The following IGSF11 variants were observed in gnomAD, a reference collection of about 807,000 sequenced individuals.
The protein encoded by IGSF11 is CXADR like 1.
IGSF11 carries 22 observed loss-of-function variants against 41.0 expected under a neutral mutation model. That is an observed-to-expected ratio of 0.54 (90% CI 0.38 to 0.77). IGSF11 has a LOEUF of 0.77. Ranked by LOEUF, IGSF11 falls within the 30% of genes least tolerant of loss-of-function variation. IGSF11 has a pLI of 0.00. For synonymous variants in IGSF11, 219 were observed against 201.3 expected, an observed-to-expected ratio of 1.09 and a Z score of -0.74; for missense variants, 444 against 530.8, an observed-to-expected ratio of 0.84 and a Z score of 1.61.
Position 119,104,859 on chromosome 3 carries a change from G to A in IGSF11, c.49+285C>T, listed in dbSNP as rs73856961. Among the ~76,000 whole-genome samples the A allele has an allele frequency of 0.063, 9,602 of 152,066 alleles. 411 individuals are homozygous for A. Among genetic ancestry groups the A allele is most frequent in the Admixed American group, 0.16 (2,387 of 15,276 alleles). Reference sequence around the variant, plus strand: ...TAACACAGTGTGTTATAATTGCATTGCTTATTTTCTTATCAGAGTCACCCT... The same window carrying A: ...TAACACAGTGTGTTATAATTGCATTACTTATTTTCTTATCAGAGTCACCCT... On this transcript the variant is annotated intron_variant, in intron 1 of 6. Transcript: ENST00000354673.
At chr3:119,103,402 T>C (rs1206430779) in intron 1 of IGSF11, among the ~76,000 whole-genome samples, 1 of 152,078 alleles carries the variant, frequency 6.6e-6, no homozygotes, top group Non-Finnish European at 1.5e-5. Context: ...TTTATACTTA[T>C]ACAAATCCTG....
intron 1 of IGSF11, among the ~76,000 whole-genome samples, chr3:118,984,183 A>C (rs903255019): frequency 4.1e-4 from 62 of 152,194 alleles, no homozygotes; most frequent in Non-Finnish European, 6.3e-4. Context: ...AAAAAAAAAA[A>C]AACAGACATT....
intron 4 of IGSF11, among the ~76,000 whole-genome samples, 155 bp from the exon 5 acceptor site, chr3:118,905,873 G>A (rs1290628155): frequency 1.3e-5 from 2 of 152,178 alleles, no homozygotes; most frequent in African/African-American, 2.4e-5. Context: ...GTTCATGAAT[G>A]TTAAAGACTA....
chr3:119,126,304 AG>A (rs1484940444), intron 1 of IGSF11, among the ~76,000 whole-genome samples: 4 of 152,198 alleles, frequency 2.6e-5, no homozygotes, highest in African/African-American at 9.6e-5. Context: ...ATCCTTCCTC[AG>A]TGGGCGGGGC....
intron 1 of IGSF11, among the ~76,000 whole-genome samples, chr3:119,100,312 A>G (rs2076920810): frequency 6.6e-6 from 1 of 152,234 alleles, no homozygotes; most frequent in African/African-American, 2.4e-5. Context: ...ACACAGATAT[A>G]AGATGTTTCA....
At chr3:119,142,254 G>A (rs866883135) in intron 1 of IGSF11, among the ~76,000 whole-genome samples, 13 of 127,138 alleles carry the variant, frequency 1.0e-4, no homozygotes, top group African/African-American at 1.8e-4. Context: ...CAGCCTGGGC[G>A]ACAGAGCAAG....
chr3:119,075,300 C>A (rs2076474747), intron 1 of IGSF11, among the ~76,000 whole-genome samples: 1 of 152,016 alleles, frequency 6.6e-6, no homozygotes, highest in South Asian at 2.1e-4. Context: ...ACCTTGAAGA[C>A]ACCAATAATT....
chr3:119,092,076 A>G (rs1276531774), intron 1 of IGSF11, among the ~76,000 whole-genome samples: 1 of 151,238 alleles, frequency 6.6e-6, no homozygotes, highest in Non-Finnish European at 1.5e-5. Flanking sequence ...CAGTGGTGCA[A>G]TCTCGGCTCA....
At chr3:118,938,270 CA>C (rs1421021442) in intron 1 of IGSF11, among the ~76,000 whole-genome samples, 2 of 152,188 alleles carry the variant, frequency 1.3e-5, no homozygotes, top group Non-Finnish European at 2.9e-5. Flanking sequence ...TATTCTACTC[CA>C]TTTAGGAATC....
At chr3:118,912,059 G>A (rs746534620) in intron 4 of IGSF11, among the ~76,000 whole-genome samples, 1 of 152,138 alleles carries the variant, frequency 6.6e-6, no homozygotes, top group Non-Finnish European at 1.5e-5. Flanking sequence ...TTCAGAAAAT[G>A]TTAACCATTA....
rs1185095039 is a variant in IGSF11, at chr3:118,900,609, T to C, written c.*1911A>G. On this transcript the variant is annotated 3_prime_UTR_variant, in exon 7 of 7. Coordinates refer to ENST00000393775, the MANE Select transcript of IGSF11 (RefSeq NM_001015887.3). The stretch of plus-strand genomic sequence containing the variant: ...TTTTAAAATGACATACTCGTTAGTA[T>C]TGATAATTAATGACAACTTATTTTA... 6.6e-6 allele frequency: 1 copy of C among 152,596 alleles called. No homozygotes were observed. The highest frequency in any genetic ancestry group is 2.4e-5 in the African/African-American group (1 of 41,448). 9.5% of individuals were successfully genotyped at this position (152,596 alleles called of 1,614,324 possible).
intron 1 of IGSF11, among the ~76,000 whole-genome samples, chr3:119,032,090 C>A (rs1047943322): frequency 1.3e-5 from 2 of 152,112 alleles, no homozygotes; most frequent in African/African-American, 4.8e-5. Flanking sequence ...ACAGAATAAA[C>A]AGAAATAGAA....
At chr3:119,112,059 G>A (rs998660756) in intron 1 of IGSF11, among the ~76,000 whole-genome samples, 1 of 152,226 alleles carries the variant, frequency 6.6e-6, no homozygotes, top group African/African-American at 2.4e-5. Flanking sequence ...ACCCACTTGA[G>A]GAGGCAGTCT....
intron 1 of IGSF11, among the ~76,000 whole-genome samples, chr3:118,953,218 CATG>C (rs1944704501): frequency 6.6e-6 from 1 of 152,020 alleles, no homozygotes; most frequent in African/African-American, 2.4e-5. Flanking sequence ...CTGTAAATAC[CATG>C]ATTTCAACGC....
intron 1 of IGSF11, among the ~76,000 whole-genome samples, chr3:119,059,583 T>C (rs1009653211): frequency 6.6e-6 from 1 of 152,156 alleles, no homozygotes; most frequent in Non-Finnish European, 1.5e-5. Context: ...GATACATTTA[T>C]TATTTTTCAG....
At chr3:118,925,439 T>A (rs1942204199) in intron 4 of IGSF11, among the ~76,000 whole-genome samples, 1 of 152,190 alleles carries the variant, frequency 6.6e-6, no homozygotes, top group Non-Finnish European at 1.5e-5. Flanking sequence ...GCTGCTAAAT[T>A]TCATTTTCTT....
At chr3:118,943,708 T>C (rs1341007607) in intron 1 of IGSF11, among the ~76,000 whole-genome samples, 1 of 152,234 alleles carries the variant, frequency 6.6e-6, no homozygotes, top group Non-Finnish European at 1.5e-5. Context: ...TGTGATGCTA[T>C]AGTTGCATGT....
chr3:118,924,615 GA>G (rs1253275145), intron 4 of IGSF11, among the ~76,000 whole-genome samples: 1 of 151,874 alleles, frequency 6.6e-6, no homozygotes, highest in Non-Finnish European at 1.5e-5. Flanking sequence ...TATTCAAGTT[GA>G]AAAAAGGATA....
At chr3:119,125,279 C>T (rs1002793060) in intron 1 of IGSF11, among the ~76,000 whole-genome samples, 2 of 152,252 alleles carry the variant, frequency 1.3e-5, no homozygotes, top group South Asian at 2.1e-4. Flanking sequence ...TCCTGTTATG[C>T]GCGTTCGTAT....
Sources: gnomAD v4.1 joint callset for allele counts (sites outside exome capture counted in the v4.1 genomes callset) on GRCh38, gnomAD v4.1.1 for gene constraint, MANE v1.5 for transcripts, NCBI Gene and HGNC (gene_info 2026-07-23, HGNC 2026-07-21) for gene names.